The following BTF3L4 variants were observed in gnomAD, a reference collection of about 807,000 sequenced individuals.
BTF3L4 encodes transcription factor BTF3 homolog 4.
In BTF3L4, 6 loss-of-function variants were observed where a neutral mutation model predicts 16.8. That is an observed-to-expected ratio of 0.36 (90% confidence interval 0.20 to 0.71). The LOEUF (loss-of-function observed/expected upper bound fraction) is 0.71, where lower values mean the gene tolerates loss of function less well. Ranked by LOEUF, BTF3L4 falls within the 30% of genes least tolerant of loss-of-function variation. The pLI, the probability that BTF3L4 is intolerant of heterozygous loss-of-function variation, is 0.58. For synonymous variants in BTF3L4, 39 were observed against 59.8 expected, an observed-to-expected ratio of 0.65 and a Z score of 1.60; for missense variants, 92 against 186.9, an observed-to-expected ratio of 0.49 and a Z score of 2.96.
chr1:52,059,981 A>G lies in BTF3L4; in HGVS notation c.54+80A>G, dbSNP rs540399514. The G allele has an allele frequency of 6.0e-6, 8 of 1,322,694 alleles. No individual in the cohort carries two copies. The Admixed American group carries it at 1.7e-4, about 29-fold the overall frequency. The allele number at this position is 1,322,694 out of a possible 1,614,324, so 81.9% of individuals were successfully genotyped here. A position where few individuals can be genotyped will look rare whatever the true frequency, so the allele number is the denominator to read the frequency against. ...TATTATTTCGGATTTGTGGTCATTG[A>G]AAATCTAAAATCTTTTCAATAATCA... On this transcript the variant is annotated intron_variant, in intron 2 of 5. Coordinates refer to ENST00000313334, the MANE Select transcript of BTF3L4 (RefSeq NM_152265.5).
intron 3 of BTF3L4, among the ~76,000 whole-genome samples, chr1:52,069,392 A>G (rs1009534577): frequency 2.0e-5 from 3 of 152,164 alleles, no homozygotes; most frequent in African/African-American, 7.2e-5. Context: ...CTTGGGTTAA[A>G]AACAGCTTCT....
chr1:52,082,297 T>C (rs537471170), intron 3 of BTF3L4, among the ~76,000 whole-genome samples: 11 of 152,276 alleles, frequency 7.2e-5, no homozygotes, highest in Non-Finnish European at 1.0e-4. Context: ...TTCATATTGG[T>C]GAAAGTTATG....
Position 52,088,036 on chromosome 1 carries a change from A to G in BTF3L4, c.*1278A>G, listed in dbSNP as rs1643987465. On this transcript the variant is annotated 3_prime_UTR_variant, in exon 6 of 6. Coordinates refer to ENST00000313334, the MANE Select transcript of BTF3L4 (RefSeq NM_152265.5). ...GAGGACTTGGAGGTAAGTTGCATTCATTCACTCAAGTTTCCCTCTTGCTGT... is the reference window on the plus strand; with the variant it reads ...GAGGACTTGGAGGTAAGTTGCATTCGTTCACTCAAGTTTCCCTCTTGCTGT... 6.6e-6 allele frequency: 1 copy of G among 152,614 alleles called. No individual in the cohort carries two copies. Among genetic ancestry groups the G allele is most frequent in the Non-Finnish European group, 1.5e-5 (1 of 68,034 alleles). The allele number at this position is 152,614 out of a possible 1,614,324, so 9.5% of individuals were successfully genotyped here.
intron 3 of BTF3L4, chr1:52,071,086 G>A (rs1021231296): frequency 6.6e-6 from 1 of 152,184 alleles, no homozygotes; most frequent in African/African-American, 2.4e-5. Flanking sequence ...TAGTGACTGT[G>A]CTGTCACCTT....
At chr1:52,076,228 A>G (rs1336418045) in intron 3 of BTF3L4, among the ~76,000 whole-genome samples, 2 of 152,052 alleles carry the variant, frequency 1.3e-5, no homozygotes, top group Non-Finnish European at 2.9e-5. Flanking sequence ...TTGAGCAGAG[A>G]TAGCACCACT....
rs750052703 is a variant in BTF3L4 at position 52,083,489 on chromosome 1, T to G, written c.318T>G (p.Gly106=). 5.6e-6 allele frequency: 9 copies of G among 1,612,876 alleles called. No individual in the cohort carries two copies. The African/African-American group carries it at 1.2e-4, about 22-fold the overall frequency. Residue 106 remains glycine (G), a synonymous_variant, in exon 4 of 6, where the codon GGT becomes GGG. Transcript: ENST00000313334. ...EMLPGILSQL[G]ADSLTSLRKL... is the part of the protein sequence containing the mutation. Reference sequence around the variant, plus strand: ...TTCCTGGAATATTAAGTCAGCTTGGTGCTGACAGTTTAACAAGCCTTAGGA... The same window carrying G: ...TTCCTGGAATATTAAGTCAGCTTGGGGCTGACAGTTTAACAAGCCTTAGGA...
chr1:52,083,915 G>T (rs1365118619), intron 4 of BTF3L4, among the ~76,000 whole-genome samples: 3 of 151,786 alleles, frequency 2.0e-5, no homozygotes, highest in African/African-American at 7.3e-5. Context: ...AGCTACTCGG[G>T]AGGCTGAGGC....
At chr1:52,080,723 A>G (rs953978364) in intron 3 of BTF3L4, among the ~76,000 whole-genome samples, 1 of 151,430 alleles carries the variant, frequency 6.6e-6, no homozygotes. Flanking sequence ...TAGTAGAGAC[A>G]GTGTTTCACC....
At chr1:52,070,714 G>A in intron 3 of BTF3L4, among the ~76,000 whole-genome samples, 1 of 144,834 alleles carries the variant, frequency 6.9e-6, no homozygotes, top group East Asian at 2.1e-4. Context: ...TTGGCTCACT[G>A]CAACCTACTG....
intron 4 of BTF3L4, among the ~76,000 whole-genome samples, chr1:52,085,384 T>A (rs1643962351): frequency 6.6e-6 from 1 of 151,360 alleles, no homozygotes; most frequent in African/African-American, 2.4e-5. Context: ...TGTTTTGTTT[T>A]TTTTTTGAGA....
intron 3 of BTF3L4, among the ~76,000 whole-genome samples, chr1:52,069,114 C>T (rs901387950): frequency 2.0e-5 from 3 of 152,126 alleles, no homozygotes; most frequent in Admixed American, 6.6e-5. Context: ...TCTGCCCTCC[C>T]CCCATCCTGG....
At chr1:52,083,984 C>T (rs1230678888) in intron 4 of BTF3L4, among the ~76,000 whole-genome samples, 1 of 149,266 alleles carries the variant, frequency 6.7e-6, no homozygotes, top group East Asian at 2.0e-4. Context: ...CATGCCATTG[C>T]ACTCTAGCCT....
At chr1:52,062,141 A>G (rs1686528796) in intron 2 of BTF3L4, among the ~76,000 whole-genome samples, 1 of 144,024 alleles carries the variant, frequency 6.9e-6, no homozygotes, top group Non-Finnish European at 1.5e-5. Context: ...GAGTTTCACC[A>G]TGTTAGCCAG....
chr1:52,079,967 G>A (rs892749526), intron 3 of BTF3L4, among the ~76,000 whole-genome samples: 1 of 150,408 alleles, frequency 6.6e-6, no homozygotes, highest in Non-Finnish European at 1.5e-5. Flanking sequence ...TTCCTCCCGG[G>A]TTCAAGCGAT....
intron 3 of BTF3L4, among the ~76,000 whole-genome samples, chr1:52,079,337 A>C (rs1312041384): frequency 1.3e-5 from 2 of 150,198 alleles, no homozygotes; most frequent in African/African-American, 2.5e-5. Flanking sequence ...AGCAGAGGTC[A>C]CATCACTGCA....
chr1:52,075,628 T>G lies in BTF3L4; in HGVS notation c.169-7712T>G, dbSNP rs186838351. 7.2e-3 allele frequency among the ~76,000 whole-genome samples: 1,062 copies of G among 147,732 alleles called. 14 individuals carry two copies. The highest frequency in any genetic ancestry group is 0.025 in the African/African-American group (1,023 of 40,864). On this transcript the variant is annotated intron_variant, in intron 3 of 5. Transcript: ENST00000313334. ...TTATATATTATATGTAAATAAATAT[T>G]TTATATATTTGTATATAATAAAATA...
intron 3 of BTF3L4, among the ~76,000 whole-genome samples, chr1:52,079,190 C>T (rs1687004121): frequency 6.6e-6 from 1 of 151,962 alleles, no homozygotes; most frequent in African/African-American, 2.4e-5. Context: ...ATAACCATGT[C>T]ATTTGCTCAG....
intron 1 of BTF3L4, among the ~76,000 whole-genome samples, chr1:52,058,454 A>G (rs1686428703): frequency 6.6e-6 from 1 of 152,176 alleles, no homozygotes; most frequent in Admixed American, 6.5e-5. Context: ...TGAAGCAAAC[A>G]GTATTTTTTT....
Position 52,086,772 on chromosome 1 carries a change from G to A in BTF3L4, c.*14G>A. 6.3e-7 allele frequency: 1 copy of A among 1,585,158 alleles called. No homozygotes were observed. The highest frequency in any genetic ancestry group is 8.6e-7 in the Non-Finnish European group (1 of 1,164,104). On this transcript the variant is annotated 3_prime_UTR_variant, in exon 6 of 6. Transcript: ENST00000313334. ...GAAGCTAACTAAAAGTTTGGTTTTT[G>A]GAAGCTGGCATGGACTAGATTTAAC... is the stretch of plus-strand genomic sequence containing the variant.
Sources: gnomAD v4.1 joint callset for allele counts (sites outside exome capture counted in the v4.1 genomes callset) on GRCh38, gnomAD v4.1.1 for gene constraint, MANE v1.5 for transcripts, NCBI Gene and HGNC (gene_info 2026-07-23, HGNC 2026-07-21) for gene names.